Variants in ANK2 observed in about 807,000 individuals in gnomAD.
ANK2 encodes the protein ankyrin 2, also known as ankyrin-2.
ANK2 carries 83 observed loss-of-function variants against 360.5 expected under a neutral mutation model. The observed-to-expected ratio is 0.23, with a 90% CI of 0.19 to 0.28. ANK2 has a LOEUF of 0.28. Ranked by LOEUF, ANK2 falls within the 10% of genes least tolerant of loss-of-function variation. The pLI is 1.00. For missense variants in ANK2, 4,201 were observed against 4,795.7 expected, an observed-to-expected ratio of 0.88 and a Z score of 3.66; for synonymous variants, 1,740 against 1,759.5, an observed-to-expected ratio of 0.99 and a Z score of 0.28.
At chr4:112,716,925 A>G in the ANK2 span, among the ~76,000 whole-genome samples, 10 of 152,286 alleles carry the variant, frequency 6.6e-5, no homozygotes, top group Admixed American at 5.2e-4. Flanking sequence ...ATTGCTTTAC[A>G]TCATGCCTTT....
chr4:113,071,197 A>G (rs1432962565), intron 1 of ANK2, among the ~76,000 whole-genome samples: 3 of 152,332 alleles, frequency 2.0e-5, no homozygotes, highest in Admixed American at 6.5e-5. Flanking sequence ...CCTACATGCA[A>G]TAGTTGCTGA....
the ANK2 span, among the ~76,000 whole-genome samples, chr4:112,710,540 A>C: frequency 7.9e-5 from 12 of 152,064 alleles, no homozygotes; most frequent in Non-Finnish European, 1.5e-4. Context: ...TACTATGAAT[A>C]CAAAAAAATT....
chr4:112,881,718 C>T (rs1184387131), intron 1 of ANK2: 2 of 542,428 alleles, frequency 3.7e-6, no homozygotes, highest in Non-Finnish European at 3.3e-6. Context: ...CCCATACACA[C>T]GAGCCACTGC....
chr4:112,826,465 C>T, intron 1 of ANK2: 1 of 1,088,012 alleles, frequency 9.2e-7, no homozygotes, highest in Non-Finnish European at 1.4e-6. Context: ...ATTTGTCTTC[C>T]ATCTGTGAAA....
rs561982547 is a variant in ANK2 at position 113,090,815 on chromosome 4, C to T, written c.84+41003C>T. On this transcript the variant is annotated intron_variant, in intron 1 of 45. Transcript: ENST00000357077. ...TTTGAAGCTGAATAGAAGTTACCCT[C>T]GTTAGACGAGGCACATGCAACCTGG... 9.2e-5 allele frequency among the ~76,000 whole-genome samples: 14 copies of T among 152,306 alleles called. No individual in the cohort carries two copies. The South Asian group carries it at 2.7e-3, about 29-fold the overall frequency.
At position 113,354,804 on chromosome 4, in the gene ANK2, A is replaced by C. The variant is rs1274213132; in HGVS notation, c.6186A>C (p.Ala2062=). The C allele has an allele frequency of 1.2e-6, 2 of 1,614,170 alleles. No individual in the cohort carries two copies. The change falls in exon 38 of 46, where the codon GCA becomes GCC. Residue 2062 remains alanine (A), a synonymous_variant. Transcript: ENST00000357077. ...RGQRLPVTGT[A]ESKRGVRVSS... ...AGAGACTCCCGGTAACGGGCACAGC[A>C]GAATCCAAAAGAGGAGTTCGTGTTT...
At chr4:112,964,385 A>G (rs2036261005) in intron 2 of ANK2, among the ~76,000 whole-genome samples, 1 of 145,338 alleles carries the variant, frequency 6.9e-6, no homozygotes, top group Non-Finnish European at 1.5e-5. Context: ...CATGAGTTCC[A>G]CTGTTTTGAT....
chr4:112,997,145 T>C lies in ANK2; in HGVS notation c.21+92631T>C, dbSNP rs78858337. The stretch of plus-strand genomic sequence containing the variant: ...TTTAAATTGACAAATAAACATTGTA[T>C]ATATTTATGGTACACAACCTGATAT... On this transcript the variant is annotated intron_variant, in intron 2 of 30. Coordinates refer to the ANK2 transcript ENST00000503271. Among the ~76,000 whole-genome samples the C allele has an allele frequency of 9.5e-3, 1,447 of 152,332 alleles. 14 individuals are homozygous for C. Among genetic ancestry groups the C allele is most frequent in the Non-Finnish European group, 0.014 (929 of 68,012 alleles).
intron 22 of ANK2, among the ~76,000 whole-genome samples, chr4:113,297,563 A>T (rs936762953): frequency 6.6e-6 from 1 of 152,162 alleles, no homozygotes; most frequent in African/African-American, 2.4e-5. Flanking sequence ...CAATTTAAAA[A>T]TTTTAAAAAT....
At chr4:112,708,881 T>G in the ANK2 span, among the ~76,000 whole-genome samples, 1 of 152,238 alleles carries the variant, frequency 6.6e-6, no homozygotes, top group African/African-American at 2.4e-5. Flanking sequence ...ATTATTAGAA[T>G]TACATATCAC....
chr4:113,354,757 A>G lies in ANK2; in HGVS notation c.6139A>G (p.Asn2047Asp). The G allele has an allele frequency of 6.2e-7, 1 of 1,613,884 alleles. No individual in the cohort carries two copies. Residue 2047 changes from asparagine (N) to aspartate (D), a missense_variant, in exon 38 of 46, where the codon AAT becomes GAT. Transcript: ENST00000357077. ...CCAGAGAGAAGCTCAGAAAACAGAG[A>G]ATCAGACAATCAAACGAGGCCAGAG... ...LTQREAQKTE[N>D]QTIKRGQRLP...
At chr4:113,347,504 C>A (rs1047320947) in intron 35 of ANK2, among the ~76,000 whole-genome samples, 4 of 152,108 alleles carry the variant, frequency 2.6e-5, no homozygotes, top group African/African-American at 9.7e-5. Flanking sequence ...TTTCAGTGAG[C>A]TTTCAGTGTG....
the ANK2 span, among the ~76,000 whole-genome samples, chr4:112,777,851 C>T: frequency 2.0e-5 from 3 of 150,682 alleles, no homozygotes; most frequent in South Asian, 4.2e-4. Context: ...TTTCTGACCT[C>T]AGGTGATCCG....
chr4:113,055,082 T>C (rs1420596138), intron 1 of ANK2, among the ~76,000 whole-genome samples: 8 of 152,100 alleles, frequency 5.3e-5, no homozygotes, highest in Non-Finnish European at 1.2e-4. Flanking sequence ...CTCTTTCTTA[T>C]GCATACTCAA....
the ANK2 span, among the ~76,000 whole-genome samples, chr4:112,750,530 C>G: frequency 7.2e-3 from 1,097 of 151,972 alleles, 9 homozygotes; most frequent in Non-Finnish European, 0.012. Flanking sequence ...ATAGACTATA[C>G]TGTTATGGGA....
At chr4:112,915,754 C>CAAAA (rs529167858) in intron 2 of ANK2, among the ~76,000 whole-genome samples, 19 of 141,292 alleles carry the variant, frequency 1.3e-4, no homozygotes, top group African/African-American at 3.2e-4. Context: ...GACTCTGTTT[C>CAAAA]AAAAAAAAAA....
chr4:112,864,622 T>A (rs1293150052), intron 1 of ANK2, among the ~76,000 whole-genome samples: 1 of 152,104 alleles, frequency 6.6e-6, no homozygotes, highest in East Asian at 1.9e-4. Flanking sequence ...TAAGGATTTT[T>A]AAAGTATTTT....
rs772503948 is a variant in ANK2 at position 113,373,606 on chromosome 4, T to A, written c.11859+157T>A. On this transcript the variant is annotated intron_variant, in intron 45 of 45. Coordinates refer to ENST00000357077, the MANE Select transcript of ANK2 (RefSeq NM_001148.6). Reference sequence around the variant, plus strand: ...ACATTCACCTTTTTGTTTTCATGATTCTATGTGATTTTAAGACAGCCATCA... The same window carrying A: ...ACATTCACCTTTTTGTTTTCATGATACTATGTGATTTTAAGACAGCCATCA... The A allele has an allele frequency of 8.3e-6, 7 of 841,078 alleles. No individual in the cohort carries two copies. In the African/African-American group the frequency reaches 9.9e-5, roughly 12 times the overall value. The allele number at this position is 841,078 out of a possible 1,614,324, so 52.1% of individuals were successfully genotyped here.
intron 1 of ANK2, among the ~76,000 whole-genome samples, chr4:112,829,708 C>T (rs909127512): frequency 1.3e-5 from 2 of 152,092 alleles, no homozygotes; most frequent in Admixed American, 6.6e-5. Context: ...GTAATCCCAG[C>T]ACTTTGGGAG....
Sources: gnomAD v4.1 joint callset for allele counts (sites outside exome capture counted in the v4.1 genomes callset) on GRCh38, gnomAD v4.1.1 for gene constraint, MANE v1.5 for transcripts, NCBI Gene and HGNC (gene_info 2026-07-23, HGNC 2026-07-21) for gene names.